Variants in FER observed in about 807,000 individuals in gnomAD.
The protein encoded by FER is FER tyrosine kinase, also known as tyrosine-protein kinase Fer.
A neutral mutation model predicts 111.0 loss-of-function variants in FER; 63 were observed. That is an observed-to-expected ratio of 0.57 (90% CI 0.46 to 0.70). The LOEUF (loss-of-function observed/expected upper bound fraction) is 0.70. FER is among the 30% of genes least tolerant of loss of function. FER has a pLI of 0.00. For synonymous variants in FER, 327 were observed against 313.9 expected, an observed-to-expected ratio of 1.04 and a Z score of -0.44; for missense variants, 914 against 954.0, an observed-to-expected ratio of 0.96 and a Z score of 0.55.
At chr5:108,933,926 C>G (rs1258647100) in intron 10 of FER, among the ~76,000 whole-genome samples, 1 of 152,092 alleles carries the variant, frequency 6.6e-6, no homozygotes, top group Non-Finnish European at 1.5e-5. Context: ...TATAGGAATG[C>G]TTGTGATTTT....
intron 17 of FER, among the ~76,000 whole-genome samples, chr5:109,162,258 G>A (rs73779044): frequency 0.12 from 18,830 of 151,972 alleles, 1,224 homozygotes; most frequent in Non-Finnish European, 0.14. Flanking sequence ...AGTCTGTTTC[G>A]TAAGAGTTCT....
At chr5:108,981,938 T>A (rs1431516731) in intron 13 of FER, among the ~76,000 whole-genome samples, 1 of 152,130 alleles carries the variant, frequency 6.6e-6, no homozygotes, top group Non-Finnish European at 1.5e-5. Context: ...TGCCTGTTTC[T>A]TATAACCATC....
At chr5:108,945,171 G>T (rs888608455) in intron 10 of FER, among the ~76,000 whole-genome samples, 2 of 152,190 alleles carry the variant, frequency 1.3e-5, no homozygotes, top group African/African-American at 4.8e-5. Flanking sequence ...GTAAAATTTG[G>T]CATCACTAAT....
intron 13 of FER, among the ~76,000 whole-genome samples, chr5:109,022,733 A>T (rs1399341502): frequency 1.3e-5 from 2 of 152,120 alleles, no homozygotes; most frequent in Non-Finnish European, 2.9e-5. Flanking sequence ...AGAGGAAAAC[A>T]AATAAGTTTT....
intron 17 of FER, among the ~76,000 whole-genome samples, chr5:109,137,914 A>G (rs1582204214): frequency 6.6e-6 from 1 of 152,138 alleles, no homozygotes; most frequent in Non-Finnish European, 1.5e-5. Flanking sequence ...TCTTGATTTA[A>G]CTTGGGAATG....
At chr5:108,898,874 A>G (rs1749584859) in intron 10 of FER, among the ~76,000 whole-genome samples, 1 of 151,212 alleles carries the variant, frequency 6.6e-6, no homozygotes, top group Non-Finnish European at 1.5e-5. Flanking sequence ...AATGCACAGA[A>G]CAGCCCCTCC....
intron 17 of FER, among the ~76,000 whole-genome samples, chr5:109,172,089 A>T (rs1346653987): frequency 6.6e-6 from 1 of 152,116 alleles, no homozygotes; most frequent in Admixed American, 6.5e-5. Context: ...TTCCTCAGGG[A>T]TCTAGAACTA....
At chr5:108,849,631 C>G (rs911498906) in intron 5 of FER, among the ~76,000 whole-genome samples, 4 of 152,024 alleles carry the variant, frequency 2.6e-5, no homozygotes, top group African/African-American at 9.7e-5. Flanking sequence ...TCCTTGTCAC[C>G]CAGTTCTAAC....
chr5:109,172,046 C>T (rs1373885947), intron 17 of FER, among the ~76,000 whole-genome samples: 1 of 152,144 alleles, frequency 6.6e-6, no homozygotes, highest in Non-Finnish European at 1.5e-5. Context: ...GGAAGGTAAA[C>T]TAGTTCAACC....
intron 13 of FER, among the ~76,000 whole-genome samples, chr5:109,017,912 C>T (rs1055427111): frequency 6.6e-6 from 1 of 151,882 alleles, no homozygotes; most frequent in Admixed American, 6.6e-5. Context: ...TCTGTGGTCA[C>T]ATATATGATT....
intron 5 of FER, among the ~76,000 whole-genome samples, chr5:108,861,069 G>A (rs1237533653): frequency 6.6e-6 from 1 of 152,152 alleles, no homozygotes; most frequent in Non-Finnish European, 1.5e-5. Context: ...GATGAGATTT[G>A]GGTGGGGACA....
chr5:108,929,725 A>G (rs1754296778), intron 10 of FER, among the ~76,000 whole-genome samples: 1 of 152,182 alleles, frequency 6.6e-6, no homozygotes, highest in African/African-American at 2.4e-5. Context: ...TGATTAAAAA[A>G]TGTTCCAGAA....
chr5:108,892,905 C>A (rs1420966612), intron 9 of FER, among the ~76,000 whole-genome samples: 1 of 152,166 alleles, frequency 6.6e-6, no homozygotes, highest in Non-Finnish European at 1.5e-5. Flanking sequence ...GTTTTCCCAG[C>A]ACCATTTATT....
At chr5:109,121,443 T>C (rs1451022558) in intron 17 of FER, among the ~76,000 whole-genome samples, 1 of 152,186 alleles carries the variant, frequency 6.6e-6, no homozygotes, top group Non-Finnish European at 1.5e-5. Context: ...TTGGGATAAA[T>C]CCCACTTGGT....
At chr5:108,907,699 G>T (rs1561596789) in intron 10 of FER, among the ~76,000 whole-genome samples, 1 of 152,024 alleles carries the variant, frequency 6.6e-6, no homozygotes. Context: ...GCAGAAAATT[G>T]CAATAAACAA....
At chr5:109,010,378 C>G (rs1267584637) in intron 13 of FER, among the ~76,000 whole-genome samples, 1 of 151,558 alleles carries the variant, frequency 6.6e-6, no homozygotes, top group African/African-American at 2.4e-5. Context: ...AGGATGGTGT[C>G]GATCTCCTGA....
chr5:108,811,403 T>A (rs1347858178), intron 3 of FER, among the ~76,000 whole-genome samples: 1 of 152,244 alleles, frequency 6.6e-6, no homozygotes, highest in Non-Finnish European at 1.5e-5. Flanking sequence ...TTTTCAAGAA[T>A]CTATTTTGTA....
At chr5:108,826,062 C>T (rs1452391027) in intron 3 of FER, among the ~76,000 whole-genome samples, 1 of 152,152 alleles carries the variant, frequency 6.6e-6, no homozygotes, top group Non-Finnish European at 1.5e-5. Context: ...TAGCTGTGAG[C>T]TTGCCATATC....
intron 13 of FER, among the ~76,000 whole-genome samples, chr5:108,992,209 AC>A (rs1245345234): frequency 6.6e-6 from 1 of 152,224 alleles, no homozygotes; most frequent in Non-Finnish European, 1.5e-5. Context: ...TCACAGATCT[AC>A]AGGATCCCAA....
Sources: allele counts gnomAD v4.1 joint callset (sites outside exome capture counted in the v4.1 genomes callset), GRCh38; gene constraint gnomAD v4.1.1; transcripts MANE v1.5; gene names NCBI Gene and HGNC (gene_info 2026-07-23, HGNC 2026-07-21).